MGAT4A: variants seen among roughly 807,000 people sequenced by gnomAD.
The protein encoded by MGAT4A is N-acetylglucosaminyltransferase IVa.
Under a neutral mutation model 74.1 loss-of-function variants are expected in MGAT4A, and 33 were observed. The ratio of observed to expected loss-of-function variants is 0.45; its 90% CI spans 0.34 to 0.60. The LOEUF (loss-of-function observed/expected upper bound fraction) is 0.60, where lower values mean the gene tolerates loss of function less well. Ranked by LOEUF, MGAT4A falls within the 20% of genes least tolerant of loss-of-function variation. MGAT4A has a pLI of 0.02. For synonymous variants in MGAT4A, 198 were observed against 210.4 expected, an observed-to-expected ratio of 0.94 and a Z score of 0.51; for missense variants, 479 against 628.3, an observed-to-expected ratio of 0.76 and a Z score of 2.54.
rs777780027 is a variant in MGAT4A, at chr2:98,625,735, G to A, written c.1569C>T (p.Ala523=). The A allele has an allele frequency of 6.2e-7, 1 of 1,609,652 alleles. No individual in the cohort carries two copies. The change falls in exon 15 of 16, where the codon GCC becomes GCT. Residue 523 remains alanine (A), a synonymous_variant. Coordinates refer to ENST00000393487, the MANE Select transcript of MGAT4A (RefSeq NM_012214.3). ...LSVIQNSAVW[A]ILNEIHIKKA... is the part of the protein sequence containing the mutation. ...GATATATGCTTACCTCATTAAGAAT[G>A]GCCCAAACAGCAGAATTCTGAATAA...
At chr2:98,634,002 G>A (rs543106575) in intron 14 of MGAT4A, among the ~76,000 whole-genome samples, 1 of 152,348 alleles carries the variant, frequency 6.6e-6, no homozygotes, top group South Asian at 2.1e-4. Context: ...AACTGTTCTA[G>A]AAAGGGCTTA....
intron 13 of MGAT4A, 83 bp from the exon 14 acceptor site, chr2:98,635,371 G>A: frequency 1.0e-6 from 1 of 1,004,188 alleles, no homozygotes; most frequent in Non-Finnish European, 1.4e-6. Flanking sequence ...TATAGATGAA[G>A]TGGCATTTGT....
intron 10 of MGAT4A, among the ~76,000 whole-genome samples, chr2:98,642,035 CT>C (rs1447910288): frequency 3.3e-5 from 5 of 151,634 alleles, no homozygotes; most frequent in Non-Finnish European, 5.9e-5. Context: ...TAGAAGACTT[CT>C]AATAATATAC....
intron 14 of MGAT4A, among the ~76,000 whole-genome samples, chr2:98,632,851 T>C (rs1010332183): frequency 3.3e-5 from 5 of 152,154 alleles, no homozygotes; most frequent in Non-Finnish European, 7.4e-5. Flanking sequence ...ACCTCCTGCG[T>C]TGGGTTCAAG....
intron 2 of MGAT4A, among the ~76,000 whole-genome samples, chr2:98,708,207 A>G (rs767493799): frequency 5.4e-4 from 82 of 151,752 alleles, no homozygotes; most frequent in Admixed American, 2.0e-4. Flanking sequence ...GTCTTATGGG[A>G]TCCTCCCACC....
rs1701245224 is a variant in MGAT4A, at chr2:98,632,044, C to T, written c.1468+3178G>A. ...AGAATCACTTGAACCCGGGAGGCGG[C>T]GCTTGCAGTGAGCCGGGATTGCACT... On this transcript the variant is annotated intron_variant, in intron 14 of 15. Coordinates refer to ENST00000393487, the MANE Select transcript of MGAT4A (RefSeq NM_012214.3). Among the ~76,000 whole-genome samples, 4 of 151,838 alleles carry T rather than the reference C, an allele frequency of 2.6e-5. No homozygotes were observed. In the South Asian group the frequency reaches 8.3e-4, roughly 32 times the overall value.
In MGAT4A at chr2:98,660,688, C is replaced by T. The variant is rs988755662; in HGVS notation, c.537+2358G>A. On this transcript the variant is annotated intron_variant, in intron 5 of 15. Transcript: ENST00000393487. ...CAAGAACACTCAATGAAAAAAGTTTCTTTAGTAAATGGTGCTGAGAAAACT... is the reference window on the plus strand; with the variant it reads ...CAAGAACACTCAATGAAAAAAGTTTTTTTAGTAAATGGTGCTGAGAAAACT... Among the ~76,000 whole-genome samples the T allele has an allele frequency of 2.0e-5, 3 of 152,198 alleles. No individual in the cohort carries two copies. The South Asian group carries it at 6.2e-4, about 32-fold the overall frequency.
At chr2:98,716,390 G>A (rs576685747) in intron 2 of MGAT4A, among the ~76,000 whole-genome samples, 124 of 152,218 alleles carry the variant, frequency 8.1e-4, no homozygotes, top group African/African-American at 2.5e-3. Flanking sequence ...GGCCAAGGCG[G>A]GTAGATCACC....
intron 4 of MGAT4A, among the ~76,000 whole-genome samples, chr2:98,666,738 T>C (rs1164105683): frequency 6.6e-6 from 1 of 151,724 alleles, no homozygotes; most frequent in Non-Finnish European, 1.5e-5. Context: ...TGAGGAGCAT[T>C]CCTAGAAAAT....
chr2:98,694,170 T>C (rs1178007138), intron 2 of MGAT4A: 5 of 153,270 alleles, frequency 3.3e-5, no homozygotes, highest in Non-Finnish European at 4.4e-5. Flanking sequence ...ACGAAGGCCA[T>C]GACCAAGTGG....
At chr2:98,704,716 A>C (rs1702398980) in intron 2 of MGAT4A, among the ~76,000 whole-genome samples, 1 of 151,978 alleles carries the variant, frequency 6.6e-6, no homozygotes, top group African/African-American at 2.4e-5. Flanking sequence ...GTTGCAGTGA[A>C]CCATGATCAC....
chr2:98,656,192 ACT>A (rs1389408214), intron 7 of MGAT4A, 158 bp downstream of exon 7: 2 of 572,646 alleles, frequency 3.5e-6, no homozygotes, highest in East Asian at 3.1e-5. Context: ...TTCTAAGAAA[ACT>A]CTACATTATT....
intron 10 of MGAT4A, among the ~76,000 whole-genome samples, chr2:98,643,124 G>T (rs139004508): frequency 9.2e-4 from 140 of 151,806 alleles, no homozygotes; most frequent in African/African-American, 3.2e-3. Flanking sequence ...AAAAGCTATA[G>T]TTTTTTTTCA....
intron 1 of MGAT4A, among the ~76,000 whole-genome samples, chr2:98,727,095 TG>T (rs536048040): frequency 1.5e-4 from 23 of 152,376 alleles, no homozygotes; most frequent in Admixed American, 1.3e-3. Context: ...GGTAACAATC[TG>T]TCCTGTGTCC....
chr2:98,625,486 T>C lies in MGAT4A; in HGVS notation c.*80A>G, dbSNP rs1477014154. On this transcript the variant is annotated 3_prime_UTR_variant, in exon 16 of 16. Coordinates refer to ENST00000393487, the MANE Select transcript of MGAT4A (RefSeq NM_012214.3). ...GACTTCACAAGAGGTAGTGTTCAAG[T>C]AGAAATAAAAAAAAGATACATGCTT... The C allele has an allele frequency of 6.3e-6, 10 of 1,580,306 alleles. No individual in the cohort carries two copies. The highest frequency in any genetic ancestry group is 8.6e-6 in the Non-Finnish European group (10 of 1,168,524).
rs1701119017 is a variant in MGAT4A at position 98,624,725 on chromosome 2, T to TC, written c.*840_*841insG. The stretch of plus-strand genomic sequence containing the variant: ...ACATATCAGAGGAAATATAATAAGT[T>TC]AAGTCTACAATAATCTGGGTTGAAT... On this transcript the variant is annotated 3_prime_UTR_variant, in exon 16 of 16. Coordinates refer to ENST00000393487, the MANE Select transcript of MGAT4A (RefSeq NM_012214.3). 7 of 983,380 alleles carry TC rather than the reference T, an allele frequency of 7.1e-6. No homozygotes were observed. Among genetic ancestry groups the TC allele is most frequent in the Non-Finnish European group, 8.5e-6 (7 of 827,868 alleles). The allele number at this position is 983,380 out of a possible 1,614,324, so 60.9% of individuals were successfully genotyped here. A position where few individuals can be genotyped will look rare whatever the true frequency, so the allele number is the denominator to read the frequency against.
At chr2:98,686,195 G>T (rs896411076) in intron 2 of MGAT4A, among the ~76,000 whole-genome samples, 1 of 152,052 alleles carries the variant, frequency 6.6e-6, no homozygotes, top group Non-Finnish European at 1.5e-5. Flanking sequence ...GAAAATAGCT[G>T]CACCCTTCTA....
At chr2:98,710,141 C>T (rs774657834) in intron 2 of MGAT4A, among the ~76,000 whole-genome samples, 25 of 152,150 alleles carry the variant, frequency 1.6e-4, no homozygotes, top group Non-Finnish European at 3.2e-4. Context: ...AACAACTCCT[C>T]GTGAAAGGAA....
intron 4 of MGAT4A, among the ~76,000 whole-genome samples, chr2:98,665,453 T>C (rs1275719465): frequency 1.3e-5 from 2 of 151,896 alleles, no homozygotes; most frequent in African/African-American, 4.8e-5. Flanking sequence ...TGCCCCAAGG[T>C]CTCGTGACAC....
Sources: gnomAD v4.1 joint callset for allele counts (sites outside exome capture counted in the v4.1 genomes callset) on GRCh38, gnomAD v4.1.1 for gene constraint, MANE v1.5 for transcripts, NCBI Gene and HGNC (gene_info 2026-07-23, HGNC 2026-07-21) for gene names.